Variants in PCDH15 observed in about 807,000 individuals in gnomAD.
PCDH15 encodes the protein protocadherin related 15.
PCDH15 carries 129 observed loss-of-function variants against 178.5 expected under a neutral mutation model. The observed-to-expected ratio is 0.72, with a 90% CI of 0.63 to 0.84. The LOEUF (loss-of-function observed/expected upper bound fraction) is 0.84, where lower values mean the gene tolerates loss of function less well. PCDH15 is among the 40% of genes least tolerant of loss of function. The probability of loss-of-function intolerance (pLI) is 0.00; values close to 1 mark genes in which losing one functional copy is unlikely to be tolerated. For missense variants in PCDH15, 2,230 were observed against 2,099.9 expected (o/e 1.06, Z -1.21); for synonymous variants, 800 against 732.0 (o/e 1.09, Z -1.50).
chr10:54,946,887 T>C (rs1420878428), intron 2 of PCDH15, among the ~76,000 whole-genome samples: 4 of 151,840 alleles, frequency 2.6e-5, no homozygotes, highest in Admixed American at 1.3e-4. Context: ...TCACAAAACA[T>C]TGAATAAAAC....
intron 25 of PCDH15, among the ~76,000 whole-genome samples, chr10:53,909,254 C>T (rs2082897603): frequency 6.6e-6 from 1 of 152,120 alleles, no homozygotes. Context: ...CCCCTTCCAC[C>T]ATGATTACAA....
chr10:54,466,646 T>C (rs540582257), intron 3 of PCDH15, among the ~76,000 whole-genome samples: 1 of 152,092 alleles, frequency 6.6e-6, no homozygotes, highest in East Asian at 1.9e-4. Flanking sequence ...CTCAGGATTG[T>C]TTTGAATATT....
chr10:55,579,431 G>A (rs1033949944), intron 2 of PCDH15, among the ~76,000 whole-genome samples: 1 of 152,092 alleles, frequency 6.6e-6, no homozygotes, highest in Non-Finnish European at 1.5e-5. Context: ...TCACCTACTT[G>A]TACAACTCAT....
chr10:54,713,759 AT>A (rs2095449259), intron 1 of PCDH15, among the ~76,000 whole-genome samples: 1 of 152,160 alleles, frequency 6.6e-6, no homozygotes, highest in South Asian at 2.1e-4. Context: ...TTTATTTAAA[AT>A]TTGAAAATTG....
chr10:55,018,674 G>T (rs915325613), intron 2 of PCDH15, among the ~76,000 whole-genome samples: 9 of 152,018 alleles, frequency 5.9e-5, no homozygotes, highest in African/African-American at 1.9e-4. Flanking sequence ...ACTTTTTAAA[G>T]AAATGAAACA....
intron 1 of PCDH15, among the ~76,000 whole-genome samples, chr10:55,215,847 T>C (rs976845378): frequency 6.6e-6 from 1 of 152,032 alleles, no homozygotes; most frequent in Non-Finnish European, 1.5e-5. Context: ...GCTGTTTTTC[T>C]GTGTCTCAGA....
intron 2 of PCDH15, among the ~76,000 whole-genome samples, chr10:55,563,070 G>T (rs1043027738): frequency 2.0e-5 from 3 of 151,992 alleles, no homozygotes; most frequent in African/African-American, 7.2e-5. Context: ...GCTGCAGCTT[G>T]CCTCTAGCTT....
At chr10:55,610,912 A>G (rs1843352958) in intron 2 of PCDH15, among the ~76,000 whole-genome samples, 1 of 152,220 alleles carries the variant, frequency 6.6e-6, no homozygotes, top group East Asian at 1.9e-4. Context: ...AAAAAGAGTG[A>G]AATTATACCT....
At position 54,953,895 on chromosome 10, in the gene PCDH15, C is replaced by T. The variant is rs142373306; in HGVS notation, c.-79-56395G>A. Among the ~76,000 whole-genome samples, 958 of 151,160 alleles carry T rather than the reference C, an allele frequency of 6.3e-3. 11 individuals are homozygous for T. Among genetic ancestry groups the T allele is most frequent in the African/African-American group, 0.022 (908 of 41,416 alleles). ...AAATATTATCTAAGTTTCTTTCTAG[C>T]ATTTAAAATACATTTAAAAAATATA... On this transcript the variant is annotated intron_variant, in intron 2 of 5. Coordinates refer to the PCDH15 transcript ENST00000458638.
intron 2 of PCDH15, among the ~76,000 whole-genome samples, chr10:55,092,836 A>G (rs1337364597): frequency 6.6e-6 from 1 of 152,004 alleles, no homozygotes; most frequent in African/African-American, 2.4e-5. Context: ...CTCACATATT[A>G]AAACAACAAA....
intron 20 of PCDH15, among the ~76,000 whole-genome samples, chr10:54,008,492 T>A (rs183677330): frequency 1.3e-5 from 2 of 152,288 alleles, no homozygotes; most frequent in Admixed American, 1.3e-4. Flanking sequence ...CATATCTTGC[T>A]TTTTGAGGTG....
At chr10:54,665,530 T>G in intron 1 of PCDH15, among the ~76,000 whole-genome samples, 1 of 152,046 alleles carries the variant, frequency 6.6e-6, no homozygotes, top group East Asian at 1.9e-4. Context: ...ATTTTATTTT[T>G]GATTTATTGC....
At chr10:55,064,413 A>G (rs140984905) in intron 2 of PCDH15, among the ~76,000 whole-genome samples, 149 of 152,260 alleles carry the variant, frequency 9.8e-4, no homozygotes, top group African/African-American at 3.5e-3. Context: ...ACAATGTAAC[A>G]TCATGCCTGA....
chr10:54,080,943 A>G (rs2094428689), intron 16 of PCDH15, among the ~76,000 whole-genome samples: 1 of 152,186 alleles, frequency 6.6e-6, no homozygotes, highest in Non-Finnish European at 1.5e-5. Context: ...AGGAAAGCTG[A>G]AAACCTAGCC....
intron 23 of PCDH15, among the ~76,000 whole-genome samples, chr10:53,955,996 T>C (rs1564852977): frequency 6.6e-6 from 1 of 152,074 alleles, no homozygotes; most frequent in Non-Finnish European, 1.5e-5. Context: ...TAAAAGAAAA[T>C]ACCATACAGA....
chr10:54,215,284 C>T (rs2051888768), intron 9 of PCDH15, among the ~76,000 whole-genome samples: 2 of 151,984 alleles, frequency 1.3e-5, no homozygotes, highest in South Asian at 4.2e-4. Flanking sequence ...CTTATTGTTA[C>T]TACTTATTTT....
intron 2 of PCDH15, among the ~76,000 whole-genome samples, chr10:54,898,417 G>C (rs1434502471): frequency 6.6e-6 from 1 of 151,976 alleles, no homozygotes; most frequent in Non-Finnish European, 1.5e-5. Flanking sequence ...AATTTATTAT[G>C]TTGGCTTTGA....
At chr10:54,925,881 G>A (rs1313159717) in intron 2 of PCDH15, among the ~76,000 whole-genome samples, 4 of 151,984 alleles carry the variant, frequency 2.6e-5, no homozygotes, top group South Asian at 2.1e-4. Flanking sequence ...ATATAGGAGC[G>A]TGTCTTCTGC....
At chr10:53,822,730 T>G in intron 32 of PCDH15, 1 of 1,614,086 alleles carries the variant, frequency 6.2e-7, no homozygotes, top group South Asian at 1.1e-5. Flanking sequence ...AAGTGAGGCC[T>G]GGGAAAGCAA....
Sources: allele counts gnomAD v4.1 joint callset (sites outside exome capture counted in the v4.1 genomes callset), GRCh38; gene constraint gnomAD v4.1.1; transcripts MANE v1.5; gene names NCBI Gene and HGNC (gene_info 2026-07-23, HGNC 2026-07-21).